Variants in COX10 observed in about 807,000 individuals in gnomAD.
The protein encoded by COX10 is cytochrome c oxidase assembly factor heme A:farnesyltransferase COX10.
In COX10, 27 loss-of-function variants were observed where a neutral mutation model predicts 37.3. The observed-to-expected ratio is 0.72, with a 90% CI of 0.53 to 1.00. The LOEUF (loss-of-function observed/expected upper bound fraction) is 1.00, where lower values mean the gene tolerates loss of function less well. COX10 is among the 50% of genes least tolerant of loss of function. COX10 has a pLI of 0.00. For missense variants in COX10, 475 were observed against 563.2 expected (o/e 0.84, Z 1.59); for synonymous variants, 222 against 229.1 (o/e 0.97, Z 0.28).
intron 1 of COX10, among the ~76,000 whole-genome samples, chr17:14,072,381 C>T (rs1481718453): frequency 4.6e-5 from 7 of 152,176 alleles, no homozygotes; most frequent in East Asian, 3.9e-4. Flanking sequence ...CCACCACGGC[C>T]GGCTAAGTTT....
chr17:14,168,380 G>A (rs1303486815), intron 5 of COX10, among the ~76,000 whole-genome samples: 2 of 152,182 alleles, frequency 1.3e-5, no homozygotes, highest in African/African-American at 4.8e-5. Flanking sequence ...CATAGTGCAA[G>A]CTGTCAGTGG....
intron 5 of COX10, among the ~76,000 whole-genome samples, chr17:14,160,244 A>G (rs1905145959): frequency 6.6e-6 from 1 of 152,182 alleles, no homozygotes; most frequent in Admixed American, 6.5e-5. Flanking sequence ...GGCTGAAGAT[A>G]AAAACATTGC....
intron 6 of COX10, among the ~76,000 whole-genome samples, chr17:14,198,538 G>A (rs1159396094): frequency 6.6e-6 from 1 of 152,186 alleles, no homozygotes; most frequent in African/African-American, 2.4e-5. Context: ...TCAAATGTGT[G>A]TTAAGCATTA....
intron 4 of COX10, among the ~76,000 whole-genome samples, chr17:14,137,185 A>T (rs879480719): frequency 2.0e-5 from 3 of 151,866 alleles, no homozygotes; most frequent in Non-Finnish European, 4.4e-5. Context: ...TCTTAAAAAC[A>T]TGTTTTCTTC....
At chr17:14,182,184 C>G (rs2142256674) in intron 5 of COX10, 1 of 953,296 alleles carries the variant, frequency 1.0e-6, no homozygotes, top group Non-Finnish European at 1.2e-6. Flanking sequence ...ATCGCAGCTA[C>G]TCAGGAGGCT....
At chr17:14,134,691 C>T (rs1160881033) in intron 4 of COX10, among the ~76,000 whole-genome samples, 2 of 151,488 alleles carry the variant, frequency 1.3e-5, no homozygotes, top group Non-Finnish European at 3.0e-5. Context: ...AAAAACAGCA[C>T]TGCTATTTAA....
chr17:14,155,111 A>T (rs1016202897), intron 4 of COX10, among the ~76,000 whole-genome samples: 1 of 152,156 alleles, frequency 6.6e-6, no homozygotes, highest in African/African-American at 2.4e-5. Flanking sequence ...AGATTTGAGA[A>T]ATATTATGAA....
At chr17:14,175,393 T>A (rs61149581) in intron 5 of COX10, among the ~76,000 whole-genome samples, 93,636 of 150,960 alleles carry the variant, frequency 0.62, 29,719 homozygotes, top group East Asian at 0.69. Flanking sequence ...CTGCTTCACC[T>A]TGCAAGCCTG....
At chr17:14,166,806 T>TTTG in intron 5 of COX10, among the ~76,000 whole-genome samples, 1 of 146,168 alleles carries the variant, frequency 6.8e-6, no homozygotes, top group Non-Finnish European at 1.5e-5. Flanking sequence ...TTTTTTTTTT[T>TTTG]TGTATTTTTA....
At chr17:14,120,416 G>C (rs1215663053) in intron 4 of COX10, among the ~76,000 whole-genome samples, 1 of 152,208 alleles carries the variant, frequency 6.6e-6, no homozygotes, top group Non-Finnish European at 1.5e-5. Context: ...TATGGAAGAA[G>C]ATGATGTTGC....
intron 4 of COX10, among the ~76,000 whole-genome samples, chr17:14,121,557 A>C (rs1380697706): frequency 2.0e-5 from 3 of 152,178 alleles, no homozygotes; most frequent in African/African-American, 7.2e-5. Context: ...ACATGGGGCA[A>C]ATTACTTTTC....
chr17:14,166,612 C>CTTT (rs71147845), intron 5 of COX10, among the ~76,000 whole-genome samples: 1,225 of 96,528 alleles, frequency 0.013, 25 homozygotes, highest in Middle Eastern at 0.023. Flanking sequence ...TCAATTCGAC[C>CTTT]TTTTTTTTTT....
At chr17:14,194,641 G>C (rs960221745) in intron 6 of COX10, among the ~76,000 whole-genome samples, 2 of 152,120 alleles carry the variant, frequency 1.3e-5, no homozygotes, top group African/African-American at 4.8e-5. Context: ...TGGCCAGGAT[G>C]GTCTCTATCT....
chr17:14,082,422 A>G (rs902504935), intron 3 of COX10, among the ~76,000 whole-genome samples: 1 of 152,226 alleles, frequency 6.6e-6, no homozygotes, highest in East Asian at 1.9e-4. Flanking sequence ...GTGTCTTCTT[A>G]GACTCTTAAA....
chr17:14,090,545 G>T (rs796695377), intron 3 of COX10, among the ~76,000 whole-genome samples: 19 of 152,294 alleles, frequency 1.2e-4, no homozygotes, highest in African/African-American at 4.6e-4. Flanking sequence ...ATGCAGAGAT[G>T]CATTTTTGTT....
rs60451342 is a variant in COX10 at position 14,074,042 on chromosome 17, A to G, written c.44-281A>G. Among the ~76,000 whole-genome samples, 180 of 152,308 alleles carry G rather than the reference A, an allele frequency of 1.2e-3. 2 individuals are homozygous for G. The highest frequency in any genetic ancestry group is 4.2e-3 in the African/African-American group (175 of 41,568). On this transcript the variant is annotated intron_variant, in intron 1 of 6. Coordinates refer to ENST00000261643, the MANE Select transcript of COX10 (RefSeq NM_001303.4). ...TTGTTTTATATTTTCTTAAGAAGAT[A>G]TGTAGCGTGGTCATTTCAGCATTAA...
chr17:14,190,808 A>G (rs1597544560), intron 5 of COX10, among the ~76,000 whole-genome samples: 1 of 152,190 alleles, frequency 6.6e-6, no homozygotes, highest in East Asian at 1.9e-4. Context: ...GGGCCCTCTC[A>G]TAGATACAGG....
intron 4 of COX10, among the ~76,000 whole-genome samples, chr17:14,130,385 C>T (rs1023861226): frequency 6.6e-6 from 1 of 152,068 alleles, no homozygotes; most frequent in Non-Finnish European, 1.5e-5. Flanking sequence ...ATTAAAAATT[C>T]CCCGGGACTT....
intron 6 of COX10, among the ~76,000 whole-genome samples, chr17:14,200,779 G>A (rs1906520403): frequency 6.6e-6 from 1 of 152,222 alleles, no homozygotes; most frequent in Admixed American, 6.5e-5. Context: ...TACAAAGATT[G>A]TGCAGGGTTA....
Sources: allele counts gnomAD v4.1 joint callset (sites outside exome capture counted in the v4.1 genomes callset), GRCh38; gene constraint gnomAD v4.1.1; transcripts MANE v1.5; gene names NCBI Gene and HGNC (gene_info 2026-07-23, HGNC 2026-07-21).